Variants in PHACTR1 observed in about 807,000 individuals in gnomAD.
The protein encoded by PHACTR1 is RPEL repeat containing 1.
PHACTR1 carries 16 observed loss-of-function variants against 69.2 expected under a neutral mutation model. The observed-to-expected ratio is 0.23, with a 90% CI of 0.16 to 0.35. The LOEUF is 0.35. PHACTR1 is among the 10% of genes least tolerant of loss of function. The probability of loss-of-function intolerance (pLI) is 1.00; values close to 1 mark genes in which losing one functional copy is unlikely to be tolerated. For missense variants in PHACTR1, 510 were observed against 734.7 expected, an observed-to-expected ratio of 0.69 and a Z score of 3.54; for synonymous variants, 312 against 284.5, an observed-to-expected ratio of 1.10 and a Z score of -0.97.
intron 4 of PHACTR1, among the ~76,000 whole-genome samples, chr6:12,752,212 G>C (rs774891619): frequency 8.5e-5 from 13 of 152,068 alleles, no homozygotes; most frequent in Non-Finnish European, 1.6e-4. Context: ...CCTTTCTCCC[G>C]CATTTAAGAG....
chr6:13,087,656 T>TG (rs1469007027), intron 5 of PHACTR1, among the ~76,000 whole-genome samples: 1 of 151,870 alleles, frequency 6.6e-6, no homozygotes, highest in African/African-American at 2.4e-5. Context: ...GGCTTTCTTT[T>TG]TTTTTTTTGA....
chr6:13,079,554 G>A (rs909304795), intron 5 of PHACTR1, among the ~76,000 whole-genome samples: 28 of 152,020 alleles, frequency 1.8e-4, no homozygotes, highest in African/African-American at 6.0e-4. Flanking sequence ...CAGATAGACG[G>A]CACTGGGATT....
chr6:12,802,011 G>A (rs912479534), intron 4 of PHACTR1, among the ~76,000 whole-genome samples: 1 of 151,224 alleles, frequency 6.6e-6, no homozygotes, highest in Non-Finnish European at 1.5e-5. Flanking sequence ...GCATAGGTTT[G>A]GTGTGATCAT....
intron 3 of PHACTR1, among the ~76,000 whole-genome samples, chr6:12,732,576 G>A (rs1197661801): frequency 6.6e-6 from 1 of 152,014 alleles, no homozygotes; most frequent in Non-Finnish European, 1.5e-5. Context: ...AACGTACAGT[G>A]TTTGGTTTTC....
At chr6:12,980,128 G>A (rs1795334859) in intron 4 of PHACTR1, among the ~76,000 whole-genome samples, 1 of 152,058 alleles carries the variant, frequency 6.6e-6, no homozygotes, top group East Asian at 1.9e-4. Flanking sequence ...GCAAAAGGAG[G>A]GTGGCATAAG....
intron 5 of PHACTR1, among the ~76,000 whole-genome samples, chr6:13,148,600 G>A (rs184644785): frequency 5.9e-5 from 9 of 151,988 alleles, no homozygotes; most frequent in African/African-American, 2.2e-4. Flanking sequence ...TACCTACTCA[G>A]TTAACAGAGC....
At chr6:13,169,557 G>A (rs1760295474) in intron 6 of PHACTR1, among the ~76,000 whole-genome samples, 1 of 152,130 alleles carries the variant, frequency 6.6e-6, no homozygotes. Flanking sequence ...CAAAAACTAA[G>A]AAGTGGTCAA....
chr6:13,242,318 G>C (rs1772973439), intron 10 of PHACTR1, among the ~76,000 whole-genome samples: 1 of 152,204 alleles, frequency 6.6e-6, no homozygotes, highest in African/African-American at 2.4e-5. Flanking sequence ...GGAAAACATA[G>C]AGAAGCACAC....
chr6:12,869,335 C>T (rs759384953), intron 4 of PHACTR1, among the ~76,000 whole-genome samples: 4 of 152,206 alleles, frequency 2.6e-5, no homozygotes, highest in South Asian at 2.1e-4. Context: ...TCTCACACTC[C>T]ATGCACCTCT....
chr6:12,721,212 C>A (rs574513413), intron 3 of PHACTR1, among the ~76,000 whole-genome samples: 17 of 152,134 alleles, frequency 1.1e-4, no homozygotes, highest in African/African-American at 3.9e-4. Flanking sequence ...ATGGTGAAAC[C>A]CTGTCTCTAC....
chr6:13,118,752 C>T (rs1039819959), intron 5 of PHACTR1, among the ~76,000 whole-genome samples: 2 of 152,098 alleles, frequency 1.3e-5, no homozygotes, highest in Non-Finnish European at 2.9e-5. Context: ...GTTGGGATTA[C>T]GGCGTGAGCC....
At chr6:13,099,868 G>T (rs1319579764) in intron 5 of PHACTR1, among the ~76,000 whole-genome samples, 1 of 152,212 alleles carries the variant, frequency 6.6e-6, no homozygotes, top group African/African-American at 2.4e-5. Flanking sequence ...ACTAGCCTCA[G>T]TCAAAGTCTT....
intron 4 of PHACTR1, among the ~76,000 whole-genome samples, chr6:12,831,786 G>A (rs1040583525): frequency 6.6e-6 from 1 of 152,138 alleles, no homozygotes; most frequent in African/African-American, 2.4e-5. Flanking sequence ...AAATCTAAGA[G>A]ATGGAAAATA....
At chr6:12,798,761 G>C (rs1002842778) in intron 4 of PHACTR1, among the ~76,000 whole-genome samples, 1 of 152,122 alleles carries the variant, frequency 6.6e-6, no homozygotes, top group African/African-American at 2.4e-5. Flanking sequence ...GCTTTCAATT[G>C]GCTTTTAATT....
chr6:12,774,737 C>T (rs181118136), intron 4 of PHACTR1, among the ~76,000 whole-genome samples: 348 of 151,178 alleles, frequency 2.3e-3, no homozygotes, highest in African/African-American at 8.2e-3. Flanking sequence ...TTTGTCAAGG[C>T]TTTAAGTATC....
chr6:13,131,192 CATAT>C (rs56106825), intron 5 of PHACTR1, among the ~76,000 whole-genome samples: 38 of 133,588 alleles, frequency 2.8e-4, no homozygotes, highest in East Asian at 1.1e-3. Flanking sequence ...CACACACACA[CATAT>C]ATATATACAC....
At chr6:12,950,116 A>G (rs537414080) in intron 4 of PHACTR1, among the ~76,000 whole-genome samples, 1 of 152,250 alleles carries the variant, frequency 6.6e-6, no homozygotes, top group East Asian at 1.9e-4. Context: ...ATTTGGGAGG[A>G]CTCACCTGAG....
chr6:12,738,994 G>C (rs1764688204), intron 3 of PHACTR1, among the ~76,000 whole-genome samples: 1 of 152,064 alleles, frequency 6.6e-6, no homozygotes, highest in Non-Finnish European at 1.5e-5. Flanking sequence ...CATATATAAT[G>C]GTTTATTATT....
intron 4 of PHACTR1, among the ~76,000 whole-genome samples, chr6:12,855,087 CAT>C (rs1780214917): frequency 6.6e-6 from 1 of 152,208 alleles, no homozygotes; most frequent in Admixed American, 6.5e-5. Flanking sequence ...CACATGTACT[CAT>C]ATTTATCATA....
Sources: allele counts gnomAD v4.1 joint callset (sites outside exome capture counted in the v4.1 genomes callset), GRCh38; gene constraint gnomAD v4.1.1; transcripts MANE v1.5; gene names NCBI Gene and HGNC (gene_info 2026-07-23, HGNC 2026-07-21).